ATXN10: variants seen among roughly 807,000 people sequenced by gnomAD.
ATXN10 encodes ataxin 10, also known as ataxin-10.
In ATXN10, 28 loss-of-function variants were observed where a neutral mutation model predicts 52.9. That is an observed-to-expected ratio of 0.53 (90% CI 0.39 to 0.73). ATXN10 has a LOEUF of 0.73. Among genes scored for constraint, ATXN10 ranks in the 30% least tolerant of loss-of-function variants. ATXN10 has a pLI of 0.00. For missense variants in ATXN10, 565 were observed against 577.0 expected (o/e 0.98, Z 0.21); for synonymous variants, 226 against 221.5 (o/e 1.02, Z -0.18).
intron 10 of ATXN10, among the ~76,000 whole-genome samples, chr22:45,830,696 A>T (rs980617287): frequency 4.6e-5 from 6 of 131,678 alleles, no homozygotes; most frequent in Admixed American, 1.4e-4. Flanking sequence ...CAAAACAAGA[A>T]AAAAAAAAAA....
chr22:45,754,474 C>T lies in ATXN10; in HGVS notation c.1173+13936C>T, dbSNP rs1252237078. ...GTTTCAGAGGTGTGTTTTGTTTTAT[C>T]TCATCCTCTTCAGAGCCTGTGCTTA... On this transcript the variant is annotated intron_variant, in intron 9 of 11. Transcript: ENST00000252934. This position sits in a 1 kb window ranked among gnomAD's most constrained non-coding sequence, Gnocchi z 5.4. 6.6e-6 allele frequency among the ~76,000 whole-genome samples: 1 copy of T among 152,178 alleles called. No homozygotes were observed. The highest frequency in any genetic ancestry group is 2.4e-5 in the African/African-American group (1 of 41,440).
chr22:45,758,043 A>G (rs532991844), intron 9 of ATXN10, among the ~76,000 whole-genome samples: 24 of 152,378 alleles, frequency 1.6e-4, no homozygotes, highest in African/African-American at 4.8e-4. Flanking sequence ...GGATGCAACT[A>G]TTCGTTACCA....
chr22:45,810,223 GT>G (rs1210263960), intron 10 of ATXN10, among the ~76,000 whole-genome samples: 3 of 152,174 alleles, frequency 2.0e-5, no homozygotes, highest in African/African-American at 7.2e-5. Context: ...ATTGATACAA[GT>G]TTTGAGTCTG....
chr22:45,671,984 C>T lies in ATXN10; in HGVS notation c.-80C>T, dbSNP rs929089690. 4 of 1,470,916 alleles carry T rather than the reference C, an allele frequency of 2.7e-6. No homozygotes were observed. In the Admixed American group the frequency reaches 8.0e-5, roughly 30 times the overall value. 91.1% of individuals were successfully genotyped at this position (1,470,916 alleles called of 1,614,324 possible). A position where few individuals can be genotyped will look rare whatever the true frequency, so the allele number is the denominator to read the frequency against. Reference sequence around the variant, plus strand: ...CCCCTTCCTCCTCGCCATCCTACTCCTCCCTCCTCGTCATCCTCCCCCTTC... The same window carrying T: ...CCCCTTCCTCCTCGCCATCCTACTCTTCCCTCCTCGTCATCCTCCCCCTTC... On this transcript the variant is annotated 5_prime_UTR_variant, in exon 1 of 12. Transcript: ENST00000252934.
At chr22:45,695,185 A>G (rs1212329247) in intron 3 of ATXN10, among the ~76,000 whole-genome samples, 1 of 150,986 alleles carries the variant, frequency 6.6e-6, no homozygotes, top group Non-Finnish European at 1.5e-5. Context: ...TTAGCCGGGC[A>G]TGGTGGTGGG....
Position 45,789,267 on chromosome 22 carries a change from C to G in ATXN10, c.1174-17692C>G, listed in dbSNP as rs2146862327. On this transcript the variant is annotated intron_variant, in intron 9 of 11. Coordinates refer to ENST00000252934, the MANE Select transcript of ATXN10 (RefSeq NM_013236.4). The surrounding 1 kb of genome is among the most constrained non-coding windows in gnomAD (Gnocchi z 4.0). ...ATGTATTTTTAGTTATTAATTTACT[C>G]ACCTGCCTCCCCCTGGCTAAGTTTC... 6.6e-6 allele frequency among the ~76,000 whole-genome samples: 1 copy of G among 152,322 alleles called. No individual in the cohort carries two copies. The highest frequency in any genetic ancestry group is 1.9e-4 in the East Asian group (1 of 5,190).
At position 45,795,524 on chromosome 22, in the gene ATXN10, C is replaced by T. The variant is rs1927704217; in HGVS notation, c.1174-11435C>T. Among the ~76,000 whole-genome samples the T allele has an allele frequency of 6.6e-6, 1 of 152,072 alleles. No homozygotes were observed. Among genetic ancestry groups the T allele is most frequent in the African/African-American group, 2.4e-5 (1 of 41,396 alleles). ...CTACCAGGTTCAAGCAATTCTCCTG[C>T]CTCAGCCTCCCAAGTAGCTGAGATT... On this transcript the variant is annotated intron_variant, in intron 9 of 11. Coordinates refer to ENST00000252934, the MANE Select transcript of ATXN10 (RefSeq NM_013236.4). This position sits in a 1 kb window ranked among gnomAD's most constrained non-coding sequence, Gnocchi z 4.6.
chr22:45,817,863 A>G (rs1256449650), intron 10 of ATXN10, among the ~76,000 whole-genome samples: 1 of 152,094 alleles, frequency 6.6e-6, no homozygotes, highest in Admixed American at 6.5e-5. Flanking sequence ...ACCGCCACCA[A>G]CTGCCTCCAC....
chr22:45,746,924 A>T (rs942679139), intron 9 of ATXN10, among the ~76,000 whole-genome samples: 1 of 152,204 alleles, frequency 6.6e-6, no homozygotes, highest in Non-Finnish European at 1.5e-5. Flanking sequence ...TGTGATACAC[A>T]TACGTAAACT....
At position 45,672,394 on chromosome 22, in the gene ATXN10, C is replaced by T. The variant is rs992136958; in HGVS notation, c.116+215C>T. On this transcript the variant is annotated intron_variant, in intron 1 of 11. Transcript: ENST00000252934. ...CGGGGCCTGGGGCGGGCGCCCCGCT[C>T]CCCCACCGCAGCCAGTCCGGGTGCG... The T allele has an allele frequency of 9.3e-6, 3 of 323,294 alleles. No homozygotes were observed. In the South Asian group the frequency reaches 4.0e-4, roughly 44 times the overall value. The allele number at this position is 323,294 out of a possible 1,614,324, so 20.0% of individuals were successfully genotyped here.
intron 6 of ATXN10, among the ~76,000 whole-genome samples, chr22:45,724,031 G>T (rs941582170): frequency 5.1e-5 from 5 of 97,920 alleles, no homozygotes; most frequent in Non-Finnish European, 9.9e-5. Context: ...TTATGGTTGA[G>T]TAGTATTCCA....
intron 10 of ATXN10, among the ~76,000 whole-genome samples, chr22:45,827,918 G>C (rs1400696075): frequency 1.3e-5 from 2 of 152,182 alleles, no homozygotes; most frequent in African/African-American, 4.8e-5. Flanking sequence ...ATCATACAGA[G>C]TATCTTTTCT....
chr22:45,700,405 A>G (rs942777846), intron 4 of ATXN10, 27 bp downstream of exon 4: 1 of 1,537,558 alleles, frequency 6.5e-7, no homozygotes, highest in African/African-American at 1.4e-5. Flanking sequence ...GCATTTTTCT[A>G]ACTTGTGAGA....
chr22:45,727,331 A>ATATCTATC lies in ATXN10; in HGVS notation c.729-2056_729-2049dup, dbSNP rs71315146. Among the ~76,000 whole-genome samples the ATATCTATC allele has an allele frequency of 0.43, 62,632 of 146,528 alleles. 13,571 individuals carry two copies. Among genetic ancestry groups the ATATCTATC allele is most frequent in the East Asian group, 0.6 (2,918 of 4,904 alleles). On this transcript the variant is annotated intron_variant, in intron 6 of 11. Transcript: ENST00000252934. This position sits in a 1 kb window ranked among gnomAD's most constrained non-coding sequence, Gnocchi z 4.6. The stretch of plus-strand genomic sequence containing the variant: ...GTTCTGTCTGTCTGTCTATCTATCT[A>ATATCTATC]TATCTATCTATCTATCTATCTATCT...
chr22:45,751,183 G>A lies in ATXN10; in HGVS notation c.1173+10645G>A, dbSNP rs142684103. Among the ~76,000 whole-genome samples, 603 of 152,156 alleles carry A rather than the reference G, an allele frequency of 4.0e-3. 2 individuals carry two copies. Among genetic ancestry groups the A allele is most frequent in the Non-Finnish European group, 6.5e-3 (445 of 67,998 alleles). On this transcript the variant is annotated intron_variant, in intron 9 of 11. Coordinates refer to ENST00000252934, the MANE Select transcript of ATXN10 (RefSeq NM_013236.4). Reference sequence around the variant, plus strand: ...TGACCTCAAGTGATCTGCCTGCAGCGGCCTCCCAAAGTGCTGGGATTACAG... The same window carrying A: ...TGACCTCAAGTGATCTGCCTGCAGCAGCCTCCCAAAGTGCTGGGATTACAG...
rs1236671594 is a variant in ATXN10 at position 45,823,744 on chromosome 22, A to G, written c.1237+16722A>G. On this transcript the variant is annotated intron_variant, in intron 10 of 11. Transcript: ENST00000252934. This position sits in a 1 kb window ranked among gnomAD's most constrained non-coding sequence, Gnocchi z 4.9. ...TCATGGATTTATTCGGCAGGTGTTT[A>G]TTGAGTAGCTGGCATGTTATGTGCT... is the stretch of plus-strand genomic sequence containing the variant. Among the ~76,000 whole-genome samples, 1 of 152,152 alleles carries G rather than the reference A, an allele frequency of 6.6e-6. No homozygotes were observed. The highest frequency in any genetic ancestry group is 1.5e-5 in the Non-Finnish European group (1 of 68,034).
At chr22:45,706,104 A>G (rs1339767151) in intron 5 of ATXN10, among the ~76,000 whole-genome samples, 2 of 151,954 alleles carry the variant, frequency 1.3e-5, no homozygotes, top group Non-Finnish European at 2.9e-5. Flanking sequence ...CCGTCCCCCC[A>G]CCCCTGTCTA....
rs570232510 is a variant in ATXN10, at chr22:45,690,280, A to G, written c.308+377A>G. ...CACATTGTGAGACCCTGTCTCAGGG[A>G]AAAAAAAAAAAAAAAAGTTGTTCTG... On this transcript the variant is annotated intron_variant, in intron 2 of 11. Coordinates refer to ENST00000252934, the MANE Select transcript of ATXN10 (RefSeq NM_013236.4). The surrounding 1 kb of genome is among the most constrained non-coding windows in gnomAD (Gnocchi z 4.5). Among the ~76,000 whole-genome samples the G allele has an allele frequency of 4.0e-4, 54 of 135,762 alleles. No homozygotes were observed. Among genetic ancestry groups the G allele is most frequent in the African/African-American group, 1.1e-3 (40 of 36,444 alleles). The allele number at this position is 135,762 out of a possible 152,430, so 89.1% of individuals were successfully genotyped here.
chr22:45,695,631 T>C (rs1042578194), intron 3 of ATXN10, among the ~76,000 whole-genome samples: 2 of 151,766 alleles, frequency 1.3e-5, no homozygotes, highest in Non-Finnish European at 2.9e-5. Context: ...GTAGCTGGGA[T>C]TACAGGCGCC....
Sources: allele counts gnomAD v4.1 joint callset (sites outside exome capture counted in the v4.1 genomes callset), GRCh38; gene constraint gnomAD v4.1.1; non-coding constraint Gnocchi (gnomAD v3.1); transcripts MANE v1.5; gene names NCBI Gene and HGNC (gene_info 2026-07-23, HGNC 2026-07-21).